The following CSNK2A2IP variants were observed in gnomAD, a reference collection of about 807,000 sequenced individuals.
CSNK2A2IP encodes casein kinase II subunit alpha'-interacting protein.
the CSNK2A2IP span, among the ~76,000 whole-genome samples, chr3:88,451,076 G>A: frequency 6.6e-6 from 1 of 151,910 alleles, no homozygotes; most frequent in South Asian, 2.1e-4. Flanking sequence ...ATCAAAGAAG[G>A]TTTTTGAAAA....
At chr3:88,426,550 C>T in the CSNK2A2IP span, among the ~76,000 whole-genome samples, 4 of 152,164 alleles carry the variant, frequency 2.6e-5, no homozygotes, top group Admixed American at 2.6e-4. Context: ...TTCCCATAAT[C>T]CCCACATGTT....
the CSNK2A2IP span, among the ~76,000 whole-genome samples, chr3:88,410,966 G>C: frequency 6.6e-6 from 1 of 151,982 alleles, no homozygotes; most frequent in East Asian, 1.9e-4. Flanking sequence ...GATTGAGTAA[G>C]AAATATTTGG....
the CSNK2A2IP span, among the ~76,000 whole-genome samples, chr3:88,393,469 T>G: frequency 6.6e-6 from 1 of 152,196 alleles, no homozygotes; most frequent in African/African-American, 2.4e-5. Context: ...GACGTGAAGT[T>G]GATATAAATA....
the CSNK2A2IP span, among the ~76,000 whole-genome samples, chr3:88,400,865 G>T: frequency 2.0e-5 from 3 of 152,148 alleles, no homozygotes; most frequent in Non-Finnish European, 4.4e-5. Flanking sequence ...ATGTAAAAGT[G>T]TTCATATAAA....
the CSNK2A2IP span, among the ~76,000 whole-genome samples, chr3:88,339,687 C>T: frequency 6.6e-6 from 1 of 152,034 alleles, no homozygotes; most frequent in African/African-American, 2.4e-5. Context: ...GAAAAGAATT[C>T]TGAAGAAAAT....
At chr3:88,429,854 G>A in the CSNK2A2IP span, among the ~76,000 whole-genome samples, 1 of 151,956 alleles carries the variant, frequency 6.6e-6, no homozygotes, top group Admixed American at 6.5e-5. Flanking sequence ...CCGGGTTCAC[G>A]CCATTCTCCT....
At chr3:88,456,963 C>A in the CSNK2A2IP span, among the ~76,000 whole-genome samples, 1 of 151,978 alleles carries the variant, frequency 6.6e-6, no homozygotes, top group African/African-American at 2.4e-5. Context: ...GCATTCCAAC[C>A]CTTCACCCAG....
chr3:88,412,140 A>G, the CSNK2A2IP span, among the ~76,000 whole-genome samples: 1 of 151,980 alleles, frequency 6.6e-6, no homozygotes, highest in African/African-American at 2.4e-5. Context: ...TTATTTTTGA[A>G]GGGGTAATAG....
At chr3:88,426,623 G>T in the CSNK2A2IP span, among the ~76,000 whole-genome samples, 2 of 152,128 alleles carry the variant, frequency 1.3e-5, no homozygotes, top group Non-Finnish European at 2.9e-5. Context: ...TGTTGATCTT[G>T]TGATAGGGAG....
chr3:88,464,766 A>G, the CSNK2A2IP span, among the ~76,000 whole-genome samples: 2 of 152,190 alleles, frequency 1.3e-5, no homozygotes, highest in Non-Finnish European at 2.9e-5. Context: ...TACAAATGCA[A>G]TAATTAAAAG....
chr3:88,346,721 A>G, the CSNK2A2IP span, among the ~76,000 whole-genome samples: 2 of 152,120 alleles, frequency 1.3e-5, no homozygotes, highest in South Asian at 4.1e-4. Flanking sequence ...ATTTATTAAC[A>G]ATGCATCTGG....
the CSNK2A2IP span, among the ~76,000 whole-genome samples, chr3:88,390,907 A>C: frequency 1.3e-5 from 2 of 152,196 alleles, no homozygotes; most frequent in African/African-American, 4.8e-5. Flanking sequence ...TATAGATCCT[A>C]CCTAAAAGAT....
the CSNK2A2IP span, among the ~76,000 whole-genome samples, chr3:88,348,716 T>C: frequency 3.3e-5 from 5 of 152,058 alleles, no homozygotes; most frequent in South Asian, 2.1e-4. Flanking sequence ...AAGCCCTTTT[T>C]TGGGCATCAC....
the CSNK2A2IP span, among the ~76,000 whole-genome samples, chr3:88,343,898 T>A: frequency 1.3e-5 from 2 of 151,966 alleles, no homozygotes; most frequent in Non-Finnish European, 2.9e-5. Context: ...TATTTTTCAA[T>A]CAATATTTCA....
the CSNK2A2IP span, among the ~76,000 whole-genome samples, chr3:88,452,235 A>C: frequency 6.6e-6 from 1 of 151,728 alleles, no homozygotes. Context: ...GGAAGAGAGC[A>C]GGTATGAGGC....
chr3:88,391,260 A>G, the CSNK2A2IP span, among the ~76,000 whole-genome samples: 2 of 152,192 alleles, frequency 1.3e-5, no homozygotes, highest in Non-Finnish European at 2.9e-5. Flanking sequence ...TCTTGAGGAT[A>G]GTTTTTCAAA....
the CSNK2A2IP span, among the ~76,000 whole-genome samples, chr3:88,369,028 A>G: frequency 6.6e-6 from 1 of 152,062 alleles, no homozygotes; most frequent in Non-Finnish European, 1.5e-5. Context: ...GACTGAGAAG[A>G]GGAACCCTAT....
the CSNK2A2IP span, among the ~76,000 whole-genome samples, chr3:88,416,807 T>C: frequency 1.3e-5 from 2 of 152,166 alleles, no homozygotes; most frequent in Non-Finnish European, 2.9e-5. Flanking sequence ...ATTTTATCAT[T>C]TGAAATAAAA....
the CSNK2A2IP span, among the ~76,000 whole-genome samples, chr3:88,400,352 G>A: frequency 3.9e-5 from 6 of 152,078 alleles, no homozygotes; most frequent in Admixed American, 2.0e-4. Context: ...ATCTAATGCT[G>A]CGGGAAATTT....
Sources: gnomAD v4.1 joint callset for allele counts (sites outside exome capture counted in the v4.1 genomes callset) on GRCh38, gnomAD v4.1.1 for gene constraint, MANE v1.5 for transcripts, NCBI Gene and HGNC (gene_info 2026-07-23, HGNC 2026-07-21) for gene names.